RSPO2: variants seen among roughly 807,000 people sequenced by gnomAD.
RSPO2 encodes R-spondin 2, also known as R-spondin-2.
A neutral mutation model predicts 30.9 loss-of-function variants in RSPO2; 14 were observed. The observed-to-expected ratio is 0.45, with a 90% CI of 0.30 to 0.71. RSPO2 has a LOEUF of 0.71. Ranked by LOEUF, RSPO2 falls within the 30% of genes least tolerant of loss-of-function variation. The pLI is 0.08. For synonymous variants in RSPO2, 107 were observed against 96.4 expected (o/e 1.11, Z -0.64); for missense variants, 264 against 301.9 (o/e 0.87, Z 0.93).
At chr8:108,034,837 A>T (rs561748387) in intron 2 of RSPO2, among the ~76,000 whole-genome samples, 65 of 152,382 alleles carry the variant, frequency 4.3e-4, no homozygotes, top group African/African-American at 1.6e-3. Context: ...GTGCACGCAC[A>T]GAACACTTAA....
At chr8:107,971,693 A>C (rs1814005269) in intron 3 of RSPO2, among the ~76,000 whole-genome samples, 1 of 152,240 alleles carries the variant, frequency 6.6e-6, no homozygotes, top group South Asian at 2.1e-4. Flanking sequence ...GCTTTATTGC[A>C]GCTACAAGAG....
rs76521609 is a variant in RSPO2, at chr8:107,972,993, G to A, written c.284-12176C>T. Among the ~76,000 whole-genome samples the A allele has an allele frequency of 1.6e-4, 25 of 152,306 alleles. No individual in the cohort carries two copies. The East Asian group carries it at 2.5e-3, about 15-fold the overall frequency. ...TTTGTTTAAGAAAAAGCTGGCGGCC[G>A]AGTGCGGTGGCTCACGCCTGTAATC... On this transcript the variant is annotated intron_variant, in intron 3 of 5. Transcript: ENST00000276659.
At position 107,989,753 on chromosome 8, in the gene RSPO2, A is replaced by T. The variant is rs77456896; in HGVS notation, c.95-509T>A. ...AGTCCACAAGGCTGGGATCCAAATC[A>T]AAATTATCATTGTAGCATGGGGGCT... On this transcript the variant is annotated intron_variant, in intron 2 of 5. Coordinates refer to ENST00000276659, the MANE Select transcript of RSPO2 (RefSeq NM_178565.5). Among the ~76,000 whole-genome samples, 550 of 152,360 alleles carry T rather than the reference A, an allele frequency of 3.6e-3. 4 individuals are homozygous for T. Among genetic ancestry groups the T allele is most frequent in the African/African-American group, 0.013 (535 of 41,596 alleles).
chr8:107,974,882 GTGTT>G (rs1429154521), intron 3 of RSPO2, among the ~76,000 whole-genome samples: 1 of 149,202 alleles, frequency 6.7e-6, no homozygotes, highest in Non-Finnish European at 1.5e-5. Context: ...ATCAGTGAAA[GTGTT>G]TGTTAATTGA....
intron 5 of RSPO2, among the ~76,000 whole-genome samples, chr8:107,923,776 A>G (rs1414078315): frequency 7.4e-6 from 1 of 134,416 alleles, no homozygotes; most frequent in Non-Finnish European, 1.7e-5. Flanking sequence ...CAAGAACAAG[A>G]GCATGTCCTT....
intron 5 of RSPO2, among the ~76,000 whole-genome samples, chr8:107,952,692 T>C (rs75233167): frequency 0.12 from 18,707 of 152,260 alleles, 1,505 homozygotes; most frequent in Middle Eastern, 0.32. Flanking sequence ...AATATGCTTA[T>C]TTCCTGCTCT....
At chr8:107,911,073 T>A (rs190666538) in intron 5 of RSPO2, among the ~76,000 whole-genome samples, 2 of 152,168 alleles carry the variant, frequency 1.3e-5, no homozygotes, top group Non-Finnish European at 2.9e-5. Context: ...TACTTTGTCA[T>A]CTACTGTTAA....
chr8:108,054,264 C>A (rs1812168178), intron 2 of RSPO2, among the ~76,000 whole-genome samples: 2 of 152,108 alleles, frequency 1.3e-5, no homozygotes, highest in South Asian at 4.1e-4. Flanking sequence ...AACTTCCTTT[C>A]TTGCTCAAGC....
chr8:107,935,202 G>T (rs978496165), intron 5 of RSPO2, among the ~76,000 whole-genome samples: 13 of 152,108 alleles, frequency 8.5e-5, no homozygotes, highest in African/African-American at 3.1e-4. Context: ...TTCCCATGGG[G>T]AGATCTTGCA....
chr8:107,963,522 CAA>C (rs61697128), intron 3 of RSPO2, among the ~76,000 whole-genome samples: 20 of 32,016 alleles, frequency 6.2e-4, no homozygotes, highest in African/African-American at 2.6e-3. Context: ...AGACCTGTCT[CAA>C]AAAAAAAAAA....
chr8:107,900,253 C>A lies in RSPO2; in HGVS notation c.*822G>T, dbSNP rs912582720. On this transcript the variant is annotated 3_prime_UTR_variant, in exon 6 of 6. Coordinates refer to ENST00000276659, the MANE Select transcript of RSPO2 (RefSeq NM_178565.5). ...GAGTGGAGAAGGTCTACCCAATATG[C>A]AAACTCTTTGACACTGGTCATTTGA... 1.3e-5 allele frequency: 2 copies of A among 151,958 alleles called. No homozygotes were observed. The highest frequency in any genetic ancestry group is 6.6e-5 in the Admixed American group (1 of 15,266). 9.4% of individuals were successfully genotyped at this position (151,958 alleles called of 1,614,324 possible).
In RSPO2 at chr8:108,043,934, A is replaced by T. The variant is rs57458593; in HGVS notation, c.94+38611T>A. The stretch of plus-strand genomic sequence containing the variant: ...TTAAAAACCTCAGTTTTCTACTTTT[A>T]AAAAAAAAGTCAATACAAAAGCAAT... On this transcript the variant is annotated intron_variant, in intron 2 of 5. Transcript: ENST00000276659. Among the ~76,000 whole-genome samples the T allele has an allele frequency of 1.8e-3, 278 of 151,584 alleles. 1 individual carries two copies. The highest frequency in any genetic ancestry group is 2.7e-3 in the Non-Finnish European group (180 of 67,838).
At chr8:108,006,247 A>C (rs762205493) in intron 2 of RSPO2, among the ~76,000 whole-genome samples, 1 of 152,216 alleles carries the variant, frequency 6.6e-6, no homozygotes, top group Non-Finnish European at 1.5e-5. Flanking sequence ...ACAATTGCAT[A>C]GGAAGTTCTC....
intron 3 of RSPO2, among the ~76,000 whole-genome samples, chr8:107,972,024 C>A (rs1301278472): frequency 6.6e-6 from 1 of 152,164 alleles, no homozygotes; most frequent in Non-Finnish European, 1.5e-5. Flanking sequence ...GAAAACAGAG[C>A]CTGTCTTATG....
At chr8:107,982,785 C>T (rs1814490517) in intron 3 of RSPO2, among the ~76,000 whole-genome samples, 1 of 152,172 alleles carries the variant, frequency 6.6e-6, no homozygotes, top group Non-Finnish European at 1.5e-5. Context: ...CTTACTTCTC[C>T]GCAAGCCTTC....
intron 5 of RSPO2, among the ~76,000 whole-genome samples, chr8:107,944,887 T>A (rs1813006971): frequency 6.6e-6 from 1 of 152,054 alleles, no homozygotes; most frequent in Admixed American, 6.5e-5. Flanking sequence ...CTACCTTATT[T>A]AACCAAGGAT....
chr8:108,041,919 G>A (rs1227977235), intron 2 of RSPO2, among the ~76,000 whole-genome samples: 1 of 152,040 alleles, frequency 6.6e-6, no homozygotes, highest in Non-Finnish European at 1.5e-5. Flanking sequence ...ATGACCATGG[G>A]TCCATTTAGA....
At chr8:107,959,406 TA>T (rs771933938) in intron 4 of RSPO2, among the ~76,000 whole-genome samples, 1 of 152,060 alleles carries the variant, frequency 6.6e-6, no homozygotes, top group Non-Finnish European at 1.5e-5. Flanking sequence ...GAGGAGGAAG[TA>T]AAAGGATAAG....
chr8:107,927,803 A>G (rs193294622), intron 5 of RSPO2, among the ~76,000 whole-genome samples: 443 of 150,430 alleles, frequency 2.9e-3, no homozygotes, highest in African/African-American at 8.5e-3. Context: ...GTTTTCCAGT[A>G]TTTTATTGAG....
Sources: gnomAD v4.1 joint callset for allele counts (sites outside exome capture counted in the v4.1 genomes callset) on GRCh38, gnomAD v4.1.1 for gene constraint, MANE v1.5 for transcripts, NCBI Gene and HGNC (gene_info 2026-07-23, HGNC 2026-07-21) for gene names.